Variants in BICD1 observed in about 807,000 individuals in gnomAD.
The protein encoded by BICD1 is protein bicaudal D homolog 1.
A neutral mutation model predicts 92.5 loss-of-function variants in BICD1; 35 were observed. That is an observed-to-expected ratio of 0.38 (90% CI 0.29 to 0.50). The LOEUF (loss-of-function observed/expected upper bound fraction) is 0.50, where lower values mean the gene tolerates loss of function less well. Ranked by LOEUF, BICD1 falls within the 20% of genes least tolerant of loss-of-function variation. BICD1 has a pLI of 0.93. For missense variants in BICD1, 950 were observed against 1,189.8 expected, an observed-to-expected ratio of 0.80 and a Z score of 2.97; for synonymous variants, 429 against 465.1, an observed-to-expected ratio of 0.92 and a Z score of 1.00.
At chr12:32,213,608 C>T (rs1048900731) in intron 1 of BICD1, among the ~76,000 whole-genome samples, 1 of 152,150 alleles carries the variant, frequency 6.6e-6, no homozygotes, top group Non-Finnish European at 1.5e-5. Context: ...GTTGGCCAGG[C>T]TGGTCTTGAA....
intron 1 of BICD1, among the ~76,000 whole-genome samples, chr12:32,152,188 C>T (rs375329528): frequency 6.6e-6 from 1 of 151,738 alleles, no homozygotes; most frequent in South Asian, 2.1e-4. Flanking sequence ...AACTCCTGAC[C>T]TCAGGTGATC....
At chr12:32,329,471 A>G (rs1937737378) in intron 5 of BICD1, among the ~76,000 whole-genome samples, 1 of 152,190 alleles carries the variant, frequency 6.6e-6, no homozygotes, top group South Asian at 2.1e-4. Context: ...AAATAAATGA[A>G]TAAGTCAGGG....
chr12:32,346,562 A>ATATATATACGTGTG (rs1938593260), intron 8 of BICD1, among the ~76,000 whole-genome samples: 2 of 37,172 alleles, frequency 5.4e-5, no homozygotes, highest in African/African-American at 1.9e-4. Flanking sequence ...ATATATATAT[A>ATATATATACGTGTG]TATATATATA....
intron 1 of BICD1, among the ~76,000 whole-genome samples, chr12:32,148,462 C>G (rs1240676966): frequency 6.6e-6 from 1 of 152,174 alleles, no homozygotes; most frequent in Non-Finnish European, 1.5e-5. Context: ...AAATAAAGCT[C>G]TATTCTGGTT....
intron 1 of BICD1, among the ~76,000 whole-genome samples, chr12:32,127,317 G>T (rs2683472): frequency 0.29 from 43,974 of 151,964 alleles, 6,594 homozygotes; most frequent in Admixed American, 0.43. Context: ...CTGGAATTGA[G>T]TTTTGTGTTT....
rs768320613 is a variant in BICD1 at position 32,141,854 on chromosome 12, A to G, written c.213+34310A>G. ...AGCCTTTTTATTCGCCGTTCGTTGT[A>G]AGCTTCTTGAGTCTTGGTGATTCTT... is the stretch of plus-strand genomic sequence containing the variant. On this transcript the variant is annotated intron_variant, in intron 1 of 9. Transcript: ENST00000652176. Among the ~76,000 whole-genome samples, 14 of 152,186 alleles carry G rather than the reference A, an allele frequency of 9.2e-5. No individual in the cohort carries two copies. In the Middle Eastern group the frequency reaches 0.017, roughly 185 times the overall value.
At chr12:32,373,773 G>A (rs1223029281) in intron 9 of BICD1, among the ~76,000 whole-genome samples, 9 of 151,508 alleles carry the variant, frequency 5.9e-5, no homozygotes, top group South Asian at 2.1e-4. Flanking sequence ...CCAGCTACTC[G>A]GGAGGCTGAG....
chr12:32,343,378 A>T (rs1938454350), intron 8 of BICD1, among the ~76,000 whole-genome samples: 1 of 151,560 alleles, frequency 6.6e-6, no homozygotes, highest in South Asian at 2.1e-4. Context: ...CCTCCTCATC[A>T]TCTTACCATT....
intron 2 of BICD1, among the ~76,000 whole-genome samples, chr12:32,239,958 A>G (rs1397047364): frequency 6.6e-6 from 1 of 152,130 alleles, no homozygotes. Context: ...ATGGTATTGA[A>G]CACTTAAGAG....
chr12:32,269,937 C>A (rs1197049960), intron 2 of BICD1, among the ~76,000 whole-genome samples: 1 of 151,746 alleles, frequency 6.6e-6, no homozygotes, highest in Admixed American at 6.6e-5. Flanking sequence ...GCCTGGCCAA[C>A]GTAGCAAAAC....
rs200770408 is a variant in BICD1, at chr12:32,300,825, G to A, written c.580-4872G>A. 2.3e-4 allele frequency among the ~76,000 whole-genome samples: 34 copies of A among 148,472 alleles called. No homozygotes were observed. The South Asian group carries it at 4.1e-3, about 18-fold the overall frequency. On this transcript the variant is annotated intron_variant, in intron 3 of 9. Transcript: ENST00000652176. ...ATGCCCAGCTAAATTTTTTTTTTTT[G>A]TATTTTTAGTAGAGACAGGGTTTCA...
chr12:32,299,057 A>G (rs1038367682), intron 3 of BICD1, among the ~76,000 whole-genome samples: 11 of 152,138 alleles, frequency 7.2e-5, no homozygotes, highest in African/African-American at 2.2e-4. Context: ...GACTCCTAGC[A>G]ATTTGTGTAA....
chr12:32,250,987 CAAA>C (rs1156284051), intron 2 of BICD1, among the ~76,000 whole-genome samples: 1 of 151,322 alleles, frequency 6.6e-6, no homozygotes, highest in African/African-American at 2.4e-5. Context: ...GACCCTGTAT[CAAA>C]AAAAAGAAGA....
intron 8 of BICD1, chr12:32,339,576 TTTTC>T (rs1457952394): frequency 4.1e-6 from 4 of 985,326 alleles, no homozygotes; most frequent in Non-Finnish European, 4.8e-6. Flanking sequence ...TATTTTGCAT[TTTTC>T]TTTCTTCCTT....
chr12:32,121,463 C>T (rs138389252), intron 1 of BICD1, among the ~76,000 whole-genome samples: 247 of 151,718 alleles, frequency 1.6e-3, no homozygotes, highest in African/African-American at 5.5e-3. Context: ...TGTGATCATG[C>T]GTGTCTGTAA....
chr12:32,130,272 C>T (rs905491201), intron 1 of BICD1, among the ~76,000 whole-genome samples: 3 of 151,368 alleles, frequency 2.0e-5, no homozygotes, highest in East Asian at 3.9e-4. Flanking sequence ...TGGGCAATCT[C>T]GGCTCACTGC....
intron 2 of BICD1, among the ~76,000 whole-genome samples, chr12:32,231,308 C>A (rs145240019): frequency 6.6e-6 from 1 of 152,062 alleles, no homozygotes; most frequent in South Asian, 2.1e-4. Flanking sequence ...CATGGCGAAA[C>A]TCTGTCTCTA....
chr12:32,332,127 A>C (rs1470634214), intron 5 of BICD1, among the ~76,000 whole-genome samples: 1 of 152,196 alleles, frequency 6.6e-6, no homozygotes, highest in Non-Finnish European at 1.5e-5. Flanking sequence ...AGGAACAGAA[A>C]ACCAGATACC....
At chr12:32,179,633 T>C (rs1195841564) in intron 1 of BICD1, among the ~76,000 whole-genome samples, 2 of 151,984 alleles carry the variant, frequency 1.3e-5, no homozygotes, top group Non-Finnish European at 2.9e-5. Context: ...ATATTTTTCA[T>C]AGCAGTAATA....
Sources: allele counts gnomAD v4.1 joint callset (sites outside exome capture counted in the v4.1 genomes callset), GRCh38; gene constraint gnomAD v4.1.1; transcripts MANE v1.5; gene names NCBI Gene and HGNC (gene_info 2026-07-23, HGNC 2026-07-21).